Variants in COL5A1 observed in about 807,000 individuals in gnomAD.
The protein encoded by COL5A1 is collagen alpha-1(V) chain.
COL5A1 carries 16 observed loss-of-function variants against 263.7 expected under a neutral mutation model. The observed-to-expected ratio is 0.06, with a 90% confidence interval of 0.04 to 0.09. COL5A1 has a LOEUF of 0.09. Among genes scored for constraint, COL5A1 ranks in the 10% least tolerant of loss-of-function variants. The pLI, the probability that COL5A1 is intolerant of heterozygous loss-of-function variation, is 1.00. For missense variants in COL5A1, 2,036 were observed against 2,540.5 expected (o/e 0.80, Z 4.27); for synonymous variants, 1,012 against 1,004.5 (o/e 1.01, Z -0.14).
At chr9:134,832,451 C>A (rs960099206) in intron 64 of COL5A1, among the ~76,000 whole-genome samples, 10 of 152,158 alleles carry the variant, frequency 6.6e-5, no homozygotes, top group African/African-American at 2.4e-4. Context: ...TTTATCTGGG[C>A]AGGGCTACCC....
At chr9:134,780,017 C>A in intron 27 of COL5A1, 85 bp from the exon 28 acceptor site, 1 of 1,493,734 alleles carries the variant, frequency 6.7e-7, no homozygotes, top group Non-Finnish European at 9.3e-7. Context: ...TCAGCGAGCT[C>A]AGCCTGTCTT....
In COL5A1 at chr9:134,681,993, A is replaced by C. The variant is rs1234924798; in HGVS notation, c.110-8919A>C. Among the ~76,000 whole-genome samples, 1 of 149,400 alleles carries C rather than the reference A, an allele frequency of 6.7e-6. No homozygotes were observed. The highest frequency in any genetic ancestry group is 2.5e-5 in the African/African-American group (1 of 40,292). ...TCTCTCTTGCTCTCTGTCTGTCCCCACAGCTGCCTTCCCCGAACCCCTGAT... is the reference window on the plus strand; with the variant it reads ...TCTCTCTTGCTCTCTGTCTGTCCCCCCAGCTGCCTTCCCCGAACCCCTGAT... On this transcript the variant is annotated intron_variant, in intron 1 of 65. Transcript: ENST00000371817. This position sits in a 1 kb window ranked among gnomAD's most constrained non-coding sequence, Gnocchi z 4.3.
chr9:134,703,498 G>A (rs144353496), intron 4 of COL5A1, among the ~76,000 whole-genome samples: 1 of 152,186 alleles, frequency 6.6e-6, no homozygotes, highest in African/African-American at 2.4e-5. Flanking sequence ...TCACAGTAAG[G>A]CTACCTGCAC....
At chr9:134,778,486 T>C (rs1588538101) in intron 27 of COL5A1, among the ~76,000 whole-genome samples, 1 of 152,338 alleles carries the variant, frequency 6.6e-6, no homozygotes, top group Non-Finnish European at 1.5e-5. Flanking sequence ...ATGTCCCATC[T>C]CAGGCTGGGG....
chr9:134,802,166 G>A (rs1838138569), intron 38 of COL5A1, among the ~76,000 whole-genome samples, 159 bp downstream of exon 38: 2 of 152,188 alleles, frequency 1.3e-5, no homozygotes, highest in African/African-American at 4.8e-5. Context: ...CGTGAGGCTC[G>A]CCCCACGCAG....
chr9:134,710,788 G>GAC (rs1209250956), intron 4 of COL5A1, among the ~76,000 whole-genome samples: 1 of 124,526 alleles, frequency 8.0e-6, no homozygotes, highest in Non-Finnish European at 1.7e-5. Context: ...TGGGGGAGGG[G>GAC]CCCCGTCTGT....
In COL5A1 at chr9:134,752,546, G is replaced by A. The variant is rs373202525; in HGVS notation, c.1663-43G>A. ...TCAGGCGCCAGCAAACCGGAGCACT[G>A]CTGCTGGGGCCCTGTCTCAGCGTGT... On this transcript the variant is annotated intron_variant, in intron 13 of 65. Transcript: ENST00000371817. 26 of 1,534,282 alleles carry A rather than the reference G, an allele frequency of 1.7e-5. No homozygotes were observed. In the African/African-American group the frequency reaches 3.1e-4, roughly 18 times the overall value.
At chr9:134,671,035 C>A (rs1832525895) in intron 1 of COL5A1, among the ~76,000 whole-genome samples, 1 of 152,236 alleles carries the variant, frequency 6.6e-6, no homozygotes, top group Non-Finnish European at 1.5e-5. Flanking sequence ...TCGGGGCCTG[C>A]TGCAGCTTTG....
intron 18 of COL5A1, among the ~76,000 whole-genome samples, chr9:134,760,307 CA>C: frequency 2.7e-5 from 2 of 72,914 alleles, no homozygotes; most frequent in African/African-American, 8.9e-5. Flanking sequence ...ACCCCCCACA[CA>C]TACACACATG....
chr9:134,724,489 G>A (rs990574869), intron 4 of COL5A1, among the ~76,000 whole-genome samples: 3 of 152,178 alleles, frequency 2.0e-5, no homozygotes, highest in Non-Finnish European at 4.4e-5. Context: ...CCTCCGCCCC[G>A]CCCGTGTGCG....
rs112206433 is a variant in COL5A1, at chr9:134,752,423, G to T, written c.1663-166G>T. On this transcript the variant is annotated intron_variant, in intron 13 of 65. Coordinates refer to ENST00000371817, the MANE Select transcript of COL5A1 (RefSeq NM_000093.5). ...TGCTGAGAGCCCCATCGAAGTCGGG[G>T]GGGGGGGGCCCTTGGGGAGTCATCA... is the stretch of plus-strand genomic sequence containing the variant. Among the ~76,000 whole-genome samples the T allele has an allele frequency of 0.17, 23,475 of 134,882 alleles. 2,128 individuals carry two copies. Among genetic ancestry groups the T allele is most frequent in the East Asian group, 0.34 (1,730 of 5,048 alleles). 88.5% of individuals were successfully genotyped at this position (134,882 alleles called of 152,430 possible). A position where few individuals can be genotyped will look rare whatever the true frequency, so the allele number is the denominator to read the frequency against.
chr9:134,786,648 G>A (rs1837469901), intron 31 of COL5A1, among the ~76,000 whole-genome samples: 1 of 152,210 alleles, frequency 6.6e-6, no homozygotes, highest in Non-Finnish European at 1.5e-5. Flanking sequence ...GTGAAATCAT[G>A]TTCAGGTTTA....
intron 4 of COL5A1, among the ~76,000 whole-genome samples, chr9:134,706,587 G>A (rs1290935539): frequency 6.6e-6 from 1 of 152,210 alleles, no homozygotes; most frequent in African/African-American, 2.4e-5. Flanking sequence ...GCACCAGGGA[G>A]GTTGAGTCAC....
At position 134,700,750 on chromosome 9, in the gene COL5A1, A is replaced by G. The variant is rs1309645797; in HGVS notation, c.492-421A>G. On this transcript the variant is annotated intron_variant, in intron 3 of 65. Transcript: ENST00000371817. The surrounding 1 kb of genome is among the most constrained non-coding windows in gnomAD (Gnocchi z 4.0). ...AGTTTGCCATCGGGGTTCAGAGGGC[A>G]CGTGACAAGTGCTCGCATGCACACA... Among the ~76,000 whole-genome samples, 1 of 152,192 alleles carries G rather than the reference A, an allele frequency of 6.6e-6. No homozygotes were observed. Among genetic ancestry groups the G allele is most frequent in the Non-Finnish European group, 1.5e-5 (1 of 68,042 alleles).
At chr9:134,702,554 A>G (rs1170121675) in intron 4 of COL5A1, among the ~76,000 whole-genome samples, 1 of 152,224 alleles carries the variant, frequency 6.6e-6, no homozygotes, top group Non-Finnish European at 1.5e-5. Context: ...GGGCACGCGA[A>G]GGAGACATCA....
At position 134,842,006 on chromosome 9, in the gene COL5A1, C is replaced by A; in HGVS notation, c.5371-151C>A. On this transcript the variant is annotated intron_variant, in intron 65 of 65. Transcript: ENST00000371817. This position sits in a 1 kb window ranked among gnomAD's most constrained non-coding sequence, Gnocchi z 5.8. Reference sequence around the variant, plus strand: ...TGCATGCTCTGATCAGCCATATTTCCTCCAACACTTGCCCGGGCAAGCGCA... The same window carrying A: ...TGCATGCTCTGATCAGCCATATTTCATCCAACACTTGCCCGGGCAAGCGCA... The A allele has an allele frequency of 1.2e-6, 1 of 830,598 alleles. No homozygotes were observed. 51.5% of individuals were successfully genotyped at this position (830,598 alleles called of 1,614,324 possible). A position where few individuals can be genotyped will look rare whatever the true frequency, so the allele number is the denominator to read the frequency against.
At position 134,767,144 on chromosome 9, in the gene COL5A1, C is replaced by G. The variant is rs892924913; in HGVS notation, c.2187+91C>G. ...GAGCCCTGGGAGGAAGCGGGGAGCT[C>G]TGTCCCCTCCAAGTAGCAGCCCCTC... On this transcript the variant is annotated intron_variant, in intron 23 of 65. Coordinates refer to ENST00000371817, the MANE Select transcript of COL5A1 (RefSeq NM_000093.5). 6.7e-6 allele frequency: 10 copies of G among 1,497,396 alleles called. No homozygotes were observed. In the Admixed American group the frequency reaches 1.2e-4, roughly 19 times the overall value. 92.8% of individuals were successfully genotyped at this position (1,497,396 alleles called of 1,614,324 possible). A position where few individuals can be genotyped will look rare whatever the true frequency, so the allele number is the denominator to read the frequency against.
At chr9:134,744,297 A>G (rs1392036499) in intron 11 of COL5A1, among the ~76,000 whole-genome samples, 3 of 152,072 alleles carry the variant, frequency 2.0e-5, no homozygotes, top group African/African-American at 7.2e-5. Context: ...ACACTCACCC[A>G]CACATGCACT....
At chr9:134,828,381 G>A (rs1267067142) in intron 63 of COL5A1, among the ~76,000 whole-genome samples, 1 of 152,054 alleles carries the variant, frequency 6.6e-6, no homozygotes, top group African/African-American at 2.4e-5. Flanking sequence ...GATCCAGGCA[G>A]GCAGCCGAGG....
Sources: gnomAD v4.1 joint callset for allele counts (sites outside exome capture counted in the v4.1 genomes callset) on GRCh38, gnomAD v4.1.1 for gene constraint, Gnocchi (gnomAD v3.1) non-coding constraint, MANE v1.5 for transcripts, NCBI Gene and HGNC (gene_info 2026-07-23, HGNC 2026-07-21) for gene names.